Variants in TNFRSF21 observed in about 807,000 individuals in gnomAD.
TNFRSF21 encodes tumor necrosis factor receptor superfamily member 21.
In TNFRSF21, 19 loss-of-function variants were observed where a neutral mutation model predicts 45.6. The ratio of observed to expected loss-of-function variants is 0.42; its 90% CI spans 0.29 to 0.61. The LOEUF is 0.61. Among genes scored for constraint, TNFRSF21 ranks in the 20% least tolerant of loss-of-function variants. The pLI, the probability that TNFRSF21 is intolerant of heterozygous loss-of-function variation, is 0.23. For synonymous variants in TNFRSF21, 314 were observed against 335.5 expected (o/e 0.94, Z 0.70); for missense variants, 737 against 851.5 (o/e 0.87, Z 1.67).
At chr6:47,255,606 C>T (rs941974212) in intron 3 of TNFRSF21, among the ~76,000 whole-genome samples, 1 of 152,072 alleles carries the variant, frequency 6.6e-6, no homozygotes, top group African/African-American at 2.4e-5. Flanking sequence ...GGATTACAGA[C>T]ACCCACCACC....
At position 47,284,035 on chromosome 6, in the gene TNFRSF21, C is replaced by A. The variant is rs201259634; in HGVS notation, c.1146G>T (p.Arg382=). 1.3e-5 allele frequency: 21 copies of A among 1,614,210 alleles called. No individual in the cohort carries two copies. The highest frequency in any genetic ancestry group is 1.8e-5 in the Non-Finnish European group (21 of 1,180,042). Residue 382 remains arginine (R), a synonymous_variant, in exon 3 of 6, where the codon CGG becomes CGT. Coordinates refer to ENST00000296861, the MANE Select transcript of TNFRSF21 (RefSeq NM_014452.5). Reference sequence around the variant, plus strand: ...TTTCCACAATGGCACTGGGATCCTGCCGGGGCCCCTTTTTCAGAGTCCTCG... The same window carrying A: ...TTTCCACAATGGCACTGGGATCCTGACGGGGCCCCTTTTTCAGAGTCCTCG... The part of the protein sequence containing the change: ...KSSRTLKKGP[R]QDPSAIVEKA...
chr6:47,235,991 G>A (rs1582311843), intron 4 of TNFRSF21, among the ~76,000 whole-genome samples: 1 of 152,186 alleles, frequency 6.6e-6, no homozygotes. Flanking sequence ...CAGTTAGGAC[G>A]CTCCTACAGT....
chr6:47,280,333 T>C (rs1166181147), intron 3 of TNFRSF21, among the ~76,000 whole-genome samples: 1 of 152,194 alleles, frequency 6.6e-6, no homozygotes, highest in Non-Finnish European at 1.5e-5. Flanking sequence ...TGGCCAGAAC[T>C]CAATGCAATC....
At chr6:47,270,851 C>T (rs572864777) in intron 3 of TNFRSF21, among the ~76,000 whole-genome samples, 17 of 152,158 alleles carry the variant, frequency 1.1e-4, no homozygotes, top group East Asian at 1.9e-4. Context: ...AACCATGGCA[C>T]GAGAACTTCG....
At position 47,257,988 on chromosome 6, in the gene TNFRSF21, T is replaced by C. The variant is rs114416860; in HGVS notation, c.1244-4467A>G. On this transcript the variant is annotated intron_variant, in intron 3 of 5. Coordinates refer to ENST00000296861, the MANE Select transcript of TNFRSF21 (RefSeq NM_014452.5). Reference sequence around the variant, plus strand: ...TTGCTGGAATTATTCTCCTCAGGCATGGCCATCCAGCCTAGGATGAACGCA... The same window carrying C: ...TTGCTGGAATTATTCTCCTCAGGCACGGCCATCCAGCCTAGGATGAACGCA... Among the ~76,000 whole-genome samples, 132 of 152,324 alleles carry C rather than the reference T, an allele frequency of 8.7e-4. 2 individuals carry two copies. The highest frequency in any genetic ancestry group is 6.8e-3 in the South Asian group (33 of 4,822).
chr6:47,267,443 C>G (rs1762351347), intron 3 of TNFRSF21, among the ~76,000 whole-genome samples: 1 of 152,124 alleles, frequency 6.6e-6, no homozygotes, highest in Non-Finnish European at 1.5e-5. Context: ...ACTGGTCAAT[C>G]TTTAAGGCAT....
intron 4 of TNFRSF21, among the ~76,000 whole-genome samples, chr6:47,246,540 T>C (rs1025774724): frequency 1.1e-4 from 16 of 152,240 alleles, no homozygotes; most frequent in Admixed American, 5.2e-4. Flanking sequence ...TTCCTTCTAG[T>C]AGTTCCTGGA....
chr6:47,246,450 C>A (rs992970381), intron 4 of TNFRSF21, among the ~76,000 whole-genome samples: 2 of 152,148 alleles, frequency 1.3e-5, no homozygotes, highest in Non-Finnish European at 2.9e-5. Context: ...ATAGGACTTG[C>A]CCAAGGTCAC....
chr6:47,263,871 T>A (rs1361573594), intron 3 of TNFRSF21, among the ~76,000 whole-genome samples: 1 of 152,232 alleles, frequency 6.6e-6, no homozygotes, highest in East Asian at 1.9e-4. Context: ...TAATTGTGTG[T>A]CAGATTTGGT....
chr6:47,289,822 C>T (rs986611517), intron 1 of TNFRSF21, among the ~76,000 whole-genome samples: 4 of 152,024 alleles, frequency 2.6e-5, no homozygotes, highest in Non-Finnish European at 5.9e-5. Flanking sequence ...GGTGAAATCC[C>T]GTCTCTACTA....
chr6:47,250,156 A>T (rs1764880181), intron 4 of TNFRSF21, among the ~76,000 whole-genome samples: 1 of 152,224 alleles, frequency 6.6e-6, no homozygotes, highest in Non-Finnish European at 1.5e-5. Flanking sequence ...CTTATAAGAG[A>T]CATTTTTTAA....
intron 1 of TNFRSF21, among the ~76,000 whole-genome samples, chr6:47,289,526 T>C (rs1762692438): frequency 1.3e-5 from 2 of 152,178 alleles, no homozygotes; most frequent in Admixed American, 6.5e-5. Flanking sequence ...TCTTAGAACC[T>C]GGAAAAAACC....
In TNFRSF21 at chr6:47,284,402, G is replaced by T; in HGVS notation, c.779C>A (p.Ala260Asp). The stretch of plus-strand genomic sequence containing the variant: ...ACTCAGTACCTTTGGTCTAACAGAG[G>T]CAGAAGAGTTGGATTCTGTTGAGTT... Reference protein sequence around the residue: ...GMNSTESNSSASVRPKVLSSI... With the variant: ...GMNSTESNSSDSVRPKVLSSI... The change falls in exon 3 of 6, where the codon GCC becomes GAC. Residue 260 changes from alanine (A) to aspartate (D), a missense_variant. Transcript: ENST00000296861. 6.6e-7 allele frequency: 1 copy of T among 1,523,566 alleles called. No individual in the cohort carries two copies. Among genetic ancestry groups the T allele is most frequent in the South Asian group, 1.3e-5 (1 of 75,344 alleles). The allele number at this position is 1,523,566 out of a possible 1,614,324, so 94.4% of individuals were successfully genotyped here.
In TNFRSF21 at chr6:47,249,064, C is replaced by A. The variant is rs9473036; in HGVS notation, c.1509+4192G>T. On this transcript the variant is annotated intron_variant, in intron 4 of 5. Coordinates refer to ENST00000296861, the MANE Select transcript of TNFRSF21 (RefSeq NM_014452.5). ...CAGGACAGGGATTTAACCCGGCACA[C>A]GTCTCCATACTGATGTTCTAATCGG... 3.6e-3 allele frequency among the ~76,000 whole-genome samples: 548 copies of A among 152,194 alleles called. 3 individuals carry two copies. Among genetic ancestry groups the A allele is most frequent in the South Asian group, 0.022 (104 of 4,816 alleles).
At chr6:47,235,041 A>G (rs1764646919) in intron 4 of TNFRSF21, 143 bp from the exon 5 acceptor site, 1 of 484,668 alleles carries the variant, frequency 2.1e-6, no homozygotes, top group East Asian at 3.5e-5. Context: ...ACTTATTTAT[A>G]TGATTGCTAG....
chr6:47,284,872 G>A (rs1354777551), intron 2 of TNFRSF21, among the ~76,000 whole-genome samples: 2 of 152,266 alleles, frequency 1.3e-5, no homozygotes, highest in Non-Finnish European at 2.9e-5. Context: ...ATATGACTAA[G>A]ATAAAAAAAA....
chr6:47,296,409 T>C lies in TNFRSF21; in HGVS notation c.97-9814A>G, dbSNP rs559535051. Among the ~76,000 whole-genome samples the C allele has an allele frequency of 7.2e-5, 11 of 152,334 alleles. No individual in the cohort carries two copies. In the East Asian group the frequency reaches 1.3e-3, roughly 19 times the overall value. On this transcript the variant is annotated intron_variant, in intron 1 of 5. Transcript: ENST00000296861. ...ATATTTGGTCTCTGTCCCTGGTTTC[T>C]GGTGCACAATTCCTAAAACCTTAAA... is the stretch of plus-strand genomic sequence containing the variant.
At chr6:47,286,879 A>G (rs1294047920) in intron 1 of TNFRSF21, among the ~76,000 whole-genome samples, 1 of 152,168 alleles carries the variant, frequency 6.6e-6, no homozygotes, top group Non-Finnish European at 1.5e-5. Context: ...GAAACTGACA[A>G]TGCATCTCAA....
At chr6:47,281,294 G>C (rs1403935361) in intron 3 of TNFRSF21, among the ~76,000 whole-genome samples, 1 of 150,106 alleles carries the variant, frequency 6.7e-6, no homozygotes, top group Non-Finnish European at 1.5e-5. Context: ...GTGTATATAT[G>C]CACATAATTA....
Sources: gnomAD v4.1 joint callset for allele counts (sites outside exome capture counted in the v4.1 genomes callset) on GRCh38, gnomAD v4.1.1 for gene constraint, MANE v1.5 for transcripts, NCBI Gene and HGNC (gene_info 2026-07-23, HGNC 2026-07-21) for gene names.